Variants in UBE2D1 observed in about 807,000 individuals in gnomAD.
UBE2D1 encodes ubiquitin-conjugating enzyme E2 D1.
In UBE2D1, 9 loss-of-function variants were observed where a neutral mutation model predicts 24.6. That is an observed-to-expected ratio of 0.37 (90% CI 0.22 to 0.64). UBE2D1 has a LOEUF of 0.64. UBE2D1 is among the 30% of genes least tolerant of loss of function. The pLI, the probability that UBE2D1 is intolerant of heterozygous loss-of-function variation, is 0.64. For missense variants in UBE2D1, 87 were observed against 177.1 expected (o/e 0.49, Z 2.89); for synonymous variants, 57 against 57.6 (o/e 0.99, Z 0.04).
At chr10:58,340,655 G>T (rs1839952705) in intron 1 of UBE2D1, among the ~76,000 whole-genome samples, 1 of 152,042 alleles carries the variant, frequency 6.6e-6, no homozygotes, top group Non-Finnish European at 1.5e-5. Context: ...TGCCCCCTAG[G>T]ATAGCAAATA....
intron 1 of UBE2D1, among the ~76,000 whole-genome samples, chr10:58,352,530 C>G (rs979872279): frequency 6.6e-6 from 1 of 152,014 alleles, no homozygotes; most frequent in African/African-American, 2.4e-5. Flanking sequence ...GGGAGGATTG[C>G]TTGAGCGCAG....
At chr10:58,362,967 A>T (rs996488816) in intron 3 of UBE2D1, among the ~76,000 whole-genome samples, 4 of 152,088 alleles carry the variant, frequency 2.6e-5, no homozygotes, top group Non-Finnish European at 5.9e-5. Context: ...ATAAAGAAAC[A>T]TGGTCAAATT....
At chr10:58,354,166 C>A (rs1178034761) in intron 1 of UBE2D1, among the ~76,000 whole-genome samples, 1 of 152,012 alleles carries the variant, frequency 6.6e-6, no homozygotes, top group Non-Finnish European at 1.5e-5. Context: ...TTAAAGGTAA[C>A]CAGAGATGTC....
At chr10:58,360,683 G>A (rs1840185608) in intron 1 of UBE2D1, among the ~76,000 whole-genome samples, 1 of 152,140 alleles carries the variant, frequency 6.6e-6, no homozygotes, top group African/African-American at 2.4e-5. Flanking sequence ...ACTTTGGGAG[G>A]CCGAGGCAGG....
chr10:58,356,615 A>G (rs959334738), intron 1 of UBE2D1, among the ~76,000 whole-genome samples: 2 of 152,260 alleles, frequency 1.3e-5, no homozygotes, highest in East Asian at 3.9e-4. Flanking sequence ...GTCAGAGACC[A>G]TATCCATTTT....
At chr10:58,339,191 T>C (rs1457326269) in intron 1 of UBE2D1, among the ~76,000 whole-genome samples, 2 of 152,172 alleles carry the variant, frequency 1.3e-5, no homozygotes, top group Non-Finnish European at 2.9e-5. Flanking sequence ...CTGTGACCTC[T>C]GCCTCTGAGG....
At chr10:58,348,498 C>G (rs997837342) in intron 1 of UBE2D1, among the ~76,000 whole-genome samples, 1 of 152,114 alleles carries the variant, frequency 6.6e-6, no homozygotes, top group Non-Finnish European at 1.5e-5. Context: ...GCCAGTTGAG[C>G]CAGGAGTTTT....
chr10:58,367,016 G>C (rs980994251), intron 5 of UBE2D1, among the ~76,000 whole-genome samples: 20 of 152,172 alleles, frequency 1.3e-4, no homozygotes, highest in Non-Finnish European at 2.9e-5. Flanking sequence ...TCATTGGGCA[G>C]ATAGAAGATA....
At chr10:58,358,986 C>A (rs1253983312) in intron 1 of UBE2D1, among the ~76,000 whole-genome samples, 1 of 127,566 alleles carries the variant, frequency 7.8e-6, no homozygotes, top group African/African-American at 3.0e-5. Context: ...TTAATTCTTA[C>A]TAGGAAGAGA....
At chr10:58,346,399 A>G (rs1840017883) in intron 1 of UBE2D1, among the ~76,000 whole-genome samples, 1 of 152,178 alleles carries the variant, frequency 6.6e-6, no homozygotes, top group Non-Finnish European at 1.5e-5. Context: ...GATTAATGTC[A>G]TGAAAAGGGA....
At chr10:58,353,507 A>AATACC (rs1271257483) in intron 1 of UBE2D1, among the ~76,000 whole-genome samples, 1 of 152,210 alleles carries the variant, frequency 6.6e-6, no homozygotes, top group Admixed American at 6.5e-5. Context: ...AAAGTAGGTC[A>AATACC]ATACCATCCT....
intron 1 of UBE2D1, among the ~76,000 whole-genome samples, chr10:58,338,855 C>T (rs559871683): frequency 9.2e-5 from 14 of 152,260 alleles, no homozygotes; most frequent in Non-Finnish European, 1.6e-4. Context: ...CATAGCAACT[C>T]AGAGAACTAT....
At chr10:58,338,475 A>C (rs1049281608) in intron 1 of UBE2D1, among the ~76,000 whole-genome samples, 1 of 152,194 alleles carries the variant, frequency 6.6e-6, no homozygotes, top group Non-Finnish European at 1.5e-5. Context: ...ACAAAGTCTA[A>C]GGAAAGATAC....
intron 1 of UBE2D1, among the ~76,000 whole-genome samples, chr10:58,349,458 T>G (rs1840049676): frequency 6.6e-6 from 1 of 152,188 alleles, no homozygotes. Flanking sequence ...AGATTAAAAG[T>G]CACTGGAAAT....
intron 1 of UBE2D1, among the ~76,000 whole-genome samples, chr10:58,359,692 C>G (rs1211067821): frequency 3.9e-5 from 6 of 152,186 alleles, no homozygotes; most frequent in Non-Finnish European, 8.8e-5. Context: ...AGTAGTTACT[C>G]AAGCATGCAG....
At chr10:58,349,813 C>T (rs919727620) in intron 1 of UBE2D1, among the ~76,000 whole-genome samples, 2 of 152,162 alleles carry the variant, frequency 1.3e-5, no homozygotes, top group Non-Finnish European at 2.9e-5. Context: ...CTTAGCTTTA[C>T]CTCTGTCGTC....
intron 1 of UBE2D1, among the ~76,000 whole-genome samples, chr10:58,336,434 A>G (rs1839903985): frequency 6.6e-6 from 1 of 152,190 alleles, no homozygotes. Flanking sequence ...CTGACTCGCC[A>G]CTGGTGACAT....
intron 6 of UBE2D1, 146 bp downstream of exon 6, chr10:58,368,162 C>A (rs2132335550): frequency 5.3e-6 from 3 of 570,684 alleles, no homozygotes; most frequent in Non-Finnish European, 9.1e-6. Flanking sequence ...GTAAACCTTT[C>A]TTTGAGAACT....
Position 58,363,658 on chromosome 10 carries a change from C to T in UBE2D1, c.170C>T (p.Pro57Leu), listed in dbSNP as rs1366893880. The change falls in exon 4 of 7, where the codon CCG (proline) becomes CTG (leucine). Residue 57 changes from proline (P) to leucine (L), a missense_variant. Coordinates refer to ENST00000373910, the MANE Select transcript of UBE2D1 (RefSeq NM_003338.5). Reference protein sequence around the residue: ...GGVFFLTVHFPTDYPFKPPKI... With the variant: ...GGVFFLTVHFLTDYPFKPPKI... ...GTCTTCTTTCTCACTGTACATTTTC[C>T]GACAGATTATCCTTTTAAACCACCA... 3.1e-6 allele frequency: 5 copies of T among 1,611,188 alleles called. No individual in the cohort carries two copies. Among genetic ancestry groups the T allele is most frequent in the African/African-American group, 2.7e-5 (2 of 74,730 alleles).
Sources: gnomAD v4.1 joint callset for allele counts (sites outside exome capture counted in the v4.1 genomes callset) on GRCh38, gnomAD v4.1.1 for gene constraint, MANE v1.5 for transcripts, NCBI Gene and HGNC (gene_info 2026-07-23, HGNC 2026-07-21) for gene names.